CNTNAP2: variants seen among roughly 807,000 people sequenced by gnomAD.
The protein encoded by CNTNAP2 is contactin associated protein 2.
A neutral mutation model predicts 155.2 loss-of-function variants in CNTNAP2; 98 were observed. The ratio of observed to expected loss-of-function variants is 0.63; its 90% CI spans 0.54 to 0.75. The LOEUF (loss-of-function observed/expected upper bound fraction) is 0.75. Among genes scored for constraint, CNTNAP2 ranks in the 30% least tolerant of loss-of-function variants. CNTNAP2 has a pLI of 0.00. For missense variants in CNTNAP2, 1,727 were observed against 1,688.1 expected (o/e 1.02, Z -0.40); for synonymous variants, 651 against 631.2 (o/e 1.03, Z -0.47).
At chr7:148,305,002 G>A (rs906138848) in intron 21 of CNTNAP2, among the ~76,000 whole-genome samples, 1 of 148,632 alleles carries the variant, frequency 6.7e-6, no homozygotes, top group Non-Finnish European at 1.5e-5. Flanking sequence ...ATTGCTTGAG[G>A]CCAGGAGTTC....
intron 1 of CNTNAP2, among the ~76,000 whole-genome samples, chr7:146,466,286 T>C (rs1796716322): frequency 6.6e-6 from 1 of 152,124 alleles, no homozygotes; most frequent in South Asian, 2.1e-4. Flanking sequence ...TTCATGTGAG[T>C]GGCTGGGAGT....
intron 12 of CNTNAP2, among the ~76,000 whole-genome samples, chr7:147,600,330 A>G (rs1800919658): frequency 6.6e-6 from 1 of 152,204 alleles, no homozygotes; most frequent in Non-Finnish European, 1.5e-5. Context: ...CTGAAGAGCC[A>G]GATGGTAAAT....
At chr7:147,784,463 C>T (rs1393105782) in intron 13 of CNTNAP2, among the ~76,000 whole-genome samples, 4 of 106,140 alleles carry the variant, frequency 3.8e-5, no homozygotes, top group African/African-American at 1.4e-4. Context: ...CTCAGACATA[C>T]ACATTCTCTT....
At chr7:147,629,896 C>T (rs545494616) in intron 12 of CNTNAP2, among the ~76,000 whole-genome samples, 11 of 151,712 alleles carry the variant, frequency 7.3e-5, no homozygotes, top group African/African-American at 1.9e-4. Context: ...ATAAAAAAAT[C>T]TAAGATTATA....
chr7:147,526,778 T>A (rs995120301), intron 11 of CNTNAP2, among the ~76,000 whole-genome samples: 1 of 152,170 alleles, frequency 6.6e-6, no homozygotes, highest in Non-Finnish European at 1.5e-5. Flanking sequence ...CATGTGCTCA[T>A]GACTAGTCCT....
intron 9 of CNTNAP2, among the ~76,000 whole-genome samples, chr7:147,365,383 G>GAATAAAAAA (rs1796211290): frequency 1.1e-5 from 1 of 93,638 alleles, no homozygotes; most frequent in Non-Finnish European, 2.0e-5. Context: ...ATCTCAAAAA[G>GAATAAAAAA]AAAAAAAAAA....
intron 19 of CNTNAP2, among the ~76,000 whole-genome samples, chr7:148,220,151 G>A (rs999138130): frequency 2.6e-5 from 4 of 152,338 alleles, no homozygotes; most frequent in Non-Finnish European, 4.4e-5. Flanking sequence ...CGCCCAGGCC[G>A]GAGTGCAGTG....
chr7:146,467,566 G>A (rs1796734101), intron 1 of CNTNAP2, among the ~76,000 whole-genome samples: 1 of 152,124 alleles, frequency 6.6e-6, no homozygotes, highest in South Asian at 2.1e-4. Flanking sequence ...TGATTTTAGA[G>A]AAAGTGCATC....
At chr7:146,756,329 G>C (rs1347105775) in intron 1 of CNTNAP2, among the ~76,000 whole-genome samples, 1 of 151,896 alleles carries the variant, frequency 6.6e-6, no homozygotes, top group Non-Finnish European at 1.5e-5. Flanking sequence ...AATTTAAAAA[G>C]AATTTTGTGT....
intron 1 of CNTNAP2, among the ~76,000 whole-genome samples, chr7:146,767,340 T>G (rs939326420): frequency 6.6e-6 from 1 of 152,216 alleles, no homozygotes; most frequent in South Asian, 2.1e-4. Context: ...GGAATTTCTA[T>G]GATAGATCAG....
At chr7:147,046,717 A>G (rs1173527305) in intron 4 of CNTNAP2, among the ~76,000 whole-genome samples, 2 of 152,142 alleles carry the variant, frequency 1.3e-5, no homozygotes, top group Non-Finnish European at 2.9e-5. Flanking sequence ...ATGCTTACAA[A>G]TTAAGATATT....
At chr7:146,833,873 T>G (rs1333826916) in intron 2 of CNTNAP2, among the ~76,000 whole-genome samples, 1 of 152,168 alleles carries the variant, frequency 6.6e-6, no homozygotes, top group African/African-American at 2.4e-5. Context: ...TGCATAGAGA[T>G]GTTTATCTTA....
chr7:147,910,072 T>C (rs114769640), intron 14 of CNTNAP2, among the ~76,000 whole-genome samples: 317 of 152,290 alleles, frequency 2.1e-3, no homozygotes, highest in African/African-American at 7.3e-3. Context: ...AAAAAATATC[T>C]TCGATATTTC....
intron 21 of CNTNAP2, among the ~76,000 whole-genome samples, chr7:148,315,155 G>A (rs530328847): frequency 1.3e-5 from 2 of 152,260 alleles, no homozygotes; most frequent in South Asian, 4.2e-4. Context: ...AGGAGGACAG[G>A]GGATTGATCT....
rs1335477633 is a variant in CNTNAP2, at chr7:147,427,476, A to G, written c.1670+31696A>G. ...GGCAACGGTGACTGAGCATGGAGAT[A>G]TGTGAGAAAGTTTAACAATAGTTTG... On this transcript the variant is annotated intron_variant, in intron 10 of 23. Coordinates refer to ENST00000361727, the MANE Select transcript of CNTNAP2 (RefSeq NM_014141.6). Among the ~76,000 whole-genome samples, 13 of 152,284 alleles carry G rather than the reference A, an allele frequency of 8.5e-5. No individual in the cohort carries two copies. The East Asian group carries it at 2.5e-3, about 29-fold the overall frequency.
chr7:148,078,373 G>A lies in CNTNAP2; in HGVS notation c.2384-39745G>A, dbSNP rs564097289. Reference sequence around the variant, plus strand: ...AGCAAGGCATTGAGCCACCCCACCTGGCCACTTCTTTTAAATTGCATAATT... The same window carrying A: ...AGCAAGGCATTGAGCCACCCCACCTAGCCACTTCTTTTAAATTGCATAATT... On this transcript the variant is annotated intron_variant, in intron 15 of 23. Coordinates refer to ENST00000361727, the MANE Select transcript of CNTNAP2 (RefSeq NM_014141.6). Among the ~76,000 whole-genome samples the A allele has an allele frequency of 7.2e-5, 11 of 152,058 alleles. No homozygotes were observed. The East Asian group carries it at 1.9e-3, about 27-fold the overall frequency.
intron 15 of CNTNAP2, among the ~76,000 whole-genome samples, chr7:148,000,158 TGATGCG>T (rs1197818038): frequency 1.3e-5 from 2 of 152,292 alleles, no homozygotes; most frequent in East Asian, 3.9e-4. Flanking sequence ...TACTTCAGTC[TGATGCG>T]GAGTCAGTGA....
chr7:146,814,893 A>G (rs764907795), intron 2 of CNTNAP2, among the ~76,000 whole-genome samples: 7 of 152,202 alleles, frequency 4.6e-5, no homozygotes, highest in Non-Finnish European at 1.0e-4. Context: ...ACACCCACTT[A>G]TCAGTAAGAC....
At chr7:147,649,423 T>G (rs1289153160) in intron 13 of CNTNAP2, among the ~76,000 whole-genome samples, 2 of 152,272 alleles carry the variant, frequency 1.3e-5, no homozygotes, top group Admixed American at 6.5e-5. Flanking sequence ...AATTATGGGT[T>G]TCATGTTTAT....
Sources: allele counts gnomAD v4.1 joint callset (sites outside exome capture counted in the v4.1 genomes callset), GRCh38; gene constraint gnomAD v4.1.1; transcripts MANE v1.5; gene names NCBI Gene and HGNC (gene_info 2026-07-23, HGNC 2026-07-21).